The following MCTP2 variants were observed in gnomAD, a reference collection of about 807,000 sequenced individuals.
MCTP2 encodes multiple C2 and transmembrane domain-containing protein 2.
In MCTP2, 132 loss-of-function variants were observed where a neutral mutation model predicts 111.6. The ratio of observed to expected loss-of-function variants is 1.18; its 90% CI spans 1.03 to 1.37. MCTP2 has a LOEUF of 1.37. Ranked by LOEUF, MCTP2 falls within the 40% of genes most tolerant of loss-of-function variation. The pLI, the probability that MCTP2 is intolerant of heterozygous loss-of-function variation, is 0.00. For synonymous variants in MCTP2, 395 were observed against 387.7 expected (o/e 1.02, Z -0.22); for missense variants, 1,183 against 1,067.9 (o/e 1.11, Z -1.50).
Position 94,276,661 on chromosome 15 carries a change from TAAG to T in MCTP2, c.-65-21537_-65-21535del, listed in dbSNP as rs756979333. On this transcript the variant is annotated intron_variant, in intron 1 of 22. Coordinates refer to ENST00000357742, the MANE Select transcript of MCTP2 (RefSeq NM_001385001.1). ...TATTTTTAAAATATTACAATGCAAA[TAAG>T]AAATATTTGGTTATATCTCAGAATG... 5.1e-4 allele frequency among the ~76,000 whole-genome samples: 63 copies of T among 122,450 alleles called. 3 individuals carry two copies. The highest frequency in any genetic ancestry group is 4.2e-3 in the Middle Eastern group (1 of 238). The allele number at this position is 122,450 out of a possible 152,430, so 80.3% of individuals were successfully genotyped here.
At chr15:94,315,929 A>G (rs1342691306) in intron 4 of MCTP2, among the ~76,000 whole-genome samples, 1 of 152,236 alleles carries the variant, frequency 6.6e-6, no homozygotes, top group Non-Finnish European at 1.5e-5. Flanking sequence ...ACTGTTCAAG[A>G]AAATGTTTCC....
At chr15:94,289,051 C>A (rs1367392733) in intron 1 of MCTP2, among the ~76,000 whole-genome samples, 1 of 152,174 alleles carries the variant, frequency 6.6e-6, no homozygotes, top group Admixed American at 6.5e-5. Flanking sequence ...ATATTTGTAT[C>A]ACTGGAGTGC....
chr15:94,258,386 G>A (rs1225157470), intron 1 of MCTP2, among the ~76,000 whole-genome samples: 3 of 152,078 alleles, frequency 2.0e-5, no homozygotes, highest in African/African-American at 7.2e-5. Context: ...TTTTTATCCT[G>A]CCTCTGCCCC....
At chr15:94,279,266 A>G (rs1438509939) in intron 1 of MCTP2, among the ~76,000 whole-genome samples, 1 of 152,090 alleles carries the variant, frequency 6.6e-6, no homozygotes, top group East Asian at 1.9e-4. Context: ...ATGCTTTTCC[A>G]TTTGTTTGTG....
At position 94,440,242 on chromosome 15, in the gene MCTP2, G is replaced by A. The variant is rs999347335; in HGVS notation, c.2152G>A (p.Val718Ile). The A allele has an allele frequency of 2.5e-6, 4 of 1,613,944 alleles. No homozygotes were observed. The highest frequency in any genetic ancestry group is 2.5e-6 in the Non-Finnish European group (3 of 1,179,910). ...CCCCTTGGCATTGTTGCTGATCTTT[G>A]TCTACAATTTCATCAGACCTGTGAA... is the stretch of plus-strand genomic sequence containing the variant. ...MIPLALLLIF[V>I]YNFIRPVKGK... The change falls in exon 18 of 23, where the codon GTC (valine) becomes ATC (isoleucine). Residue 718 changes from valine (V) to isoleucine (I), a missense_variant. By Grantham distance (29) the Val-to-Ile change is conservative. Transcript: ENST00000357742.
At chr15:94,340,141 G>T in intron 5 of MCTP2, 58 bp from the exon 6 acceptor site, 1 of 1,206,302 alleles carries the variant, frequency 8.3e-7, no homozygotes. Context: ...TTAATAATTT[G>T]AAAAACTCAG....
chr15:94,404,364 C>T (rs145938343), intron 17 of MCTP2, among the ~76,000 whole-genome samples: 4,697 of 149,066 alleles, frequency 0.032, 103 homozygotes, highest in Middle Eastern at 0.056. Flanking sequence ...TGCAGAGGCA[C>T]GATCTTGGCT....
At chr15:94,356,007 AAC>A (rs2078601877) in intron 8 of MCTP2, 128 bp from the exon 9 acceptor site, 1 of 1,363,866 alleles carries the variant, frequency 7.3e-7, no homozygotes. Flanking sequence ...CAATGAAAAA[AAC>A]AGTTTTCCCC....
In MCTP2 at chr15:94,476,831, C is replaced by T. The variant is rs746386761; in HGVS notation, c.2568+38C>T. 3.2e-6 allele frequency: 4 copies of T among 1,231,346 alleles called. No individual in the cohort carries two copies. The South Asian group carries it at 4.9e-5, about 15-fold the overall frequency. The allele number at this position is 1,231,346 out of a possible 1,614,324, so 76.3% of individuals were successfully genotyped here. On this transcript the variant is annotated intron_variant, in intron 22 of 22. Coordinates refer to ENST00000357742, the MANE Select transcript of MCTP2 (RefSeq NM_001385001.1). Reference sequence around the variant, plus strand: ...TGGTTACCACCAACAGTGGCCCCAACCTGAAATCTGGCCAGCCCCGGAGCC... The same window carrying T: ...TGGTTACCACCAACAGTGGCCCCAATCTGAAATCTGGCCAGCCCCGGAGCC...
At chr15:94,331,420 G>A (rs922688415) in intron 4 of MCTP2, among the ~76,000 whole-genome samples, 2 of 152,094 alleles carry the variant, frequency 1.3e-5, no homozygotes, top group African/African-American at 4.8e-5. Flanking sequence ...GGAAGAGGTT[G>A]GGGAGGGACT....
At chr15:94,262,824 C>A (rs1412589672) in intron 1 of MCTP2, among the ~76,000 whole-genome samples, 1 of 152,044 alleles carries the variant, frequency 6.6e-6, no homozygotes, top group African/African-American at 2.4e-5. Context: ...CCACCTACCA[C>A]AATGGCCATG....
chr15:94,294,263 C>T lies in MCTP2; in HGVS notation c.-65-3938C>T, dbSNP rs542092882. On this transcript the variant is annotated intron_variant, in intron 1 of 22. Transcript: ENST00000357742. ...GGGATAGACAGACCCCTCTGTGTCC[C>T]GATTGTGATGGTGTAAACACAAATC... 2.8e-4 allele frequency among the ~76,000 whole-genome samples: 43 copies of T among 152,124 alleles called. No individual in the cohort carries two copies. In the South Asian group the frequency reaches 7.3e-3, roughly 26 times the overall value.
chr15:94,441,787 A>T (rs905372347), intron 18 of MCTP2, among the ~76,000 whole-genome samples: 1 of 152,118 alleles, frequency 6.6e-6, no homozygotes, highest in African/African-American at 2.4e-5. Flanking sequence ...ACTTCTCCCA[A>T]TTATAGCGTT....
chr15:94,375,131 G>GTGGAGCAGGAGTCTTACATGGC (rs1411988977), intron 12 of MCTP2, among the ~76,000 whole-genome samples: 1 of 151,444 alleles, frequency 6.6e-6, no homozygotes, highest in Non-Finnish European at 1.5e-5. Context: ...AGCAAGAGCA[G>GTGGAGCAGGAGTCTTACATGGC]TGGAGCAGGA....
intron 14 of MCTP2, among the ~76,000 whole-genome samples, chr15:94,393,927 G>C (rs1487995703): frequency 6.6e-6 from 1 of 151,380 alleles, no homozygotes; most frequent in African/African-American, 2.4e-5. Context: ...GCGTGCTTCT[G>C]TAATCCCAGC....
chr15:94,360,959 C>T lies in MCTP2; in HGVS notation c.1301+2347C>T, dbSNP rs28374708. 8.1e-3 allele frequency among the ~76,000 whole-genome samples: 1,235 copies of T among 151,690 alleles called. 19 individuals are homozygous for T. Among genetic ancestry groups the T allele is most frequent in the African/African-American group, 0.026 (1,063 of 41,354 alleles). The stretch of plus-strand genomic sequence containing the variant: ...ACTGCTTTACCCTGCCTCGAGCTTG[C>T]AGGTGGGGGAAATCTACGGTAAAAT... On this transcript the variant is annotated intron_variant, in intron 10 of 22. Transcript: ENST00000357742.
At chr15:94,291,572 G>C (rs1280697770) in intron 1 of MCTP2, among the ~76,000 whole-genome samples, 1 of 151,566 alleles carries the variant, frequency 6.6e-6, no homozygotes, top group Non-Finnish European at 1.5e-5. Context: ...CTGCACTCCA[G>C]CCTGGGCTAC....
intron 19 of MCTP2, among the ~76,000 whole-genome samples, chr15:94,448,880 A>G (rs1420171184): frequency 1.3e-5 from 2 of 152,192 alleles, no homozygotes; most frequent in Non-Finnish European, 2.9e-5. Context: ...ATCTCTACTA[A>G]AAATACAAAA....
At chr15:94,361,845 G>A (rs1420176366) in intron 10 of MCTP2, among the ~76,000 whole-genome samples, 1 of 152,154 alleles carries the variant, frequency 6.6e-6, no homozygotes, top group East Asian at 1.9e-4. Context: ...TTATAACCAG[G>A]TATGATAAGG....
Sources: gnomAD v4.1 joint callset for allele counts (sites outside exome capture counted in the v4.1 genomes callset) on GRCh38, gnomAD v4.1.1 for gene constraint, MANE v1.5 for transcripts, NCBI Gene and HGNC (gene_info 2026-07-23, HGNC 2026-07-21) for gene names.